L3HYPDH: variants seen among roughly 807,000 people sequenced by gnomAD.
The protein encoded by L3HYPDH is trans-3-hydroxy-L-proline dehydratase.
L3HYPDH carries 32 observed loss-of-function variants against 26.5 expected under a neutral mutation model. That is an observed-to-expected ratio of 1.21 (90% CI 0.91 to 1.62). The LOEUF is 1.62. Ranked by LOEUF, L3HYPDH falls within the 40% of genes most tolerant of loss-of-function variation. L3HYPDH has a pLI of 0.00. For missense variants in L3HYPDH, 554 were observed against 476.4 expected (o/e 1.16, Z -1.52); for synonymous variants, 215 against 196.6 (o/e 1.09, Z -0.78).
chr14:59,473,251 T>C (rs1889393101), intron 4 of L3HYPDH, among the ~76,000 whole-genome samples, 161 bp from the exon 5 acceptor site: 1 of 152,148 alleles, frequency 6.6e-6, no homozygotes, highest in Non-Finnish European at 1.5e-5. Flanking sequence ...CAGACTTGTG[T>C]TTTAGATAAC....
upstream of L3HYPDH, chr14:59,486,790 T>C: frequency 6.4e-7 from 1 of 1,572,320 alleles, no homozygotes; most frequent in Non-Finnish European, 8.7e-7. Context: ...AACTGAAATA[T>C]ATGGAGAATG....
chr14:59,472,742 C>A lies in L3HYPDH; in HGVS notation c.*223G>T. Reference sequence around the variant, plus strand: ...ATACGTTAATCACTAGAAAAAGACTCTGAATTTCTGGCATTTTGTATGCTA... The same window carrying A: ...ATACGTTAATCACTAGAAAAAGACTATGAATTTCTGGCATTTTGTATGCTA... On this transcript the variant is annotated 3_prime_UTR_variant, in exon 5 of 5. Coordinates refer to ENST00000247194, the MANE Select transcript of L3HYPDH (RefSeq NM_144581.2). 1 of 361,118 alleles carries A rather than the reference C, an allele frequency of 2.8e-6. No individual in the cohort carries two copies. The highest frequency in any genetic ancestry group is 4.9e-6 in the Non-Finnish European group (1 of 205,666). 22.4% of individuals were successfully genotyped at this position (361,118 alleles called of 1,614,324 possible). A position where few individuals can be genotyped will look rare whatever the true frequency, so the allele number is the denominator to read the frequency against.
At chr14:59,492,921 C>T in the L3HYPDH span, among the ~76,000 whole-genome samples, 2 of 151,872 alleles carry the variant, frequency 1.3e-5, no homozygotes, top group African/African-American at 4.8e-5. Flanking sequence ...CCTCAGCCTC[C>T]CGAGTAGCTG....
chr14:59,505,252 G>A, the L3HYPDH span: 371 of 1,491,426 alleles, frequency 2.5e-4, 1 homozygote, highest in African/African-American at 4.6e-3. Context: ...CTTTGTTAAT[G>A]TATTTTTCTC....
At chr14:59,478,561 G>C (rs1202211636) in intron 2 of L3HYPDH, among the ~76,000 whole-genome samples, 1 of 152,036 alleles carries the variant, frequency 6.6e-6, no homozygotes, top group East Asian at 1.9e-4. Context: ...CTACAGCCTG[G>C]GTGACAGAGC....
chr14:59,487,890 G>A, upstream of L3HYPDH: 1 of 1,433,774 alleles, frequency 7.0e-7, no homozygotes, highest in Non-Finnish European at 9.8e-7. Flanking sequence ...TCACTCAGAA[G>A]ACCTTATTAA....
chr14:59,485,397 T>C (rs139619392), upstream of L3HYPDH: 3,015 of 333,536 alleles, frequency 9.0e-3, 277 homozygotes, highest in Admixed American at 0.13. Flanking sequence ...AGTCCGAAAT[T>C]TGTTAAAAGC....
intron 4 of L3HYPDH, 104 bp from the exon 5 acceptor site, chr14:59,473,194 G>C (rs1230244568): frequency 1.5e-5 from 16 of 1,095,408 alleles, no homozygotes; most frequent in Admixed American, 2.8e-5. Context: ...AAAGGCCAAG[G>C]GTTAATCCTA....
At chr14:59,474,712 A>G (rs1301842378) in intron 4 of L3HYPDH, 2 of 535,332 alleles carry the variant, frequency 3.7e-6, no homozygotes, top group East Asian at 6.3e-5. Flanking sequence ...AACGATAATA[A>G]CAGCACAGTA....
At position 59,484,049 on chromosome 14, in the gene L3HYPDH, G is replaced by A. The variant is rs759955697; in HGVS notation, c.268C>T (p.Leu90=). Residue 90 remains leucine (L), a synonymous_variant, in exon 1 of 5, where the codon CTG becomes TTG. Coordinates refer to ENST00000247194, the MANE Select transcript of L3HYPDH (RefSeq NM_144581.2). ...LVPSELPDAH[L]GVLFLHNEGY... ...TCGTTGTGCAGGAACAGGACGCCCA[G>A]ATGCGCGTCCGGCAGCTCGCTCGGG... 2.5e-6 allele frequency: 4 copies of A among 1,606,624 alleles called. No individual in the cohort carries two copies. Among genetic ancestry groups the A allele is most frequent in the South Asian group, 1.1e-5 (1 of 90,944 alleles).
At chr14:59,479,072 G>C in intron 2 of L3HYPDH, 110 bp downstream of exon 2, 1 of 837,706 alleles carries the variant, frequency 1.2e-6, no homozygotes. Flanking sequence ...CCTATTCTTA[G>C]TACTATTAAT....
chr14:59,481,124 A>C (rs1055628307), intron 1 of L3HYPDH, among the ~76,000 whole-genome samples: 2 of 152,202 alleles, frequency 1.3e-5, no homozygotes, highest in African/African-American at 4.8e-5. Context: ...TAGGGTGGGC[A>C]GTTGGGTAGG....
At chr14:59,478,823 C>A in intron 2 of L3HYPDH, 1 of 176,390 alleles carries the variant, frequency 5.7e-6, no homozygotes, top group Non-Finnish European at 1.2e-5. Flanking sequence ...GCAGGAATGT[C>A]CAATCTTTTG....
At position 59,475,978 on chromosome 14, in the gene L3HYPDH, A is replaced by G. The variant is rs1441120412; in HGVS notation, c.830T>C (p.Val277Ala). ...QVDRSPTGSG[V>A]TARIALQYHK... The stretch of plus-strand genomic sequence containing the variant: ...ATACTGTAAGGCAATTCGGGCTGTC[A>G]CTCCTGAGCCAGTGGGACTTCTGTC... The change falls in exon 4 of 5, where the codon GTG becomes GCG. Residue 277 changes from valine to alanine, a missense_variant. Coordinates refer to ENST00000247194, the MANE Select transcript of L3HYPDH (RefSeq NM_144581.2). 6.2e-7 allele frequency: 1 copy of G among 1,613,768 alleles called. No homozygotes were observed. Among genetic ancestry groups the G allele is most frequent in the African/African-American group, 1.3e-5 (1 of 74,862 alleles).
chr14:59,485,120 A>AGT (rs1890430587), upstream of L3HYPDH: 2 of 1,598,352 alleles, frequency 1.3e-6, no homozygotes. Flanking sequence ...TTGCTTAGTA[A>AGT]GTGATAGGCT....
the L3HYPDH span, among the ~76,000 whole-genome samples, chr14:59,499,083 GC>G: frequency 7.7e-6 from 1 of 129,796 alleles, no homozygotes; most frequent in South Asian, 2.5e-4. Context: ...GAGTACAGTG[GC>G]ATGATCTCGG....
upstream of L3HYPDH, chr14:59,484,808 C>A (rs1372897388): frequency 1.1e-6 from 1 of 920,088 alleles, no homozygotes; most frequent in South Asian, 1.8e-5. Flanking sequence ...CTGTCTGCGG[C>A]GAAATGCCAG....
chr14:59,474,512 TTCTCA>T, intron 4 of L3HYPDH: 1 of 700,476 alleles, frequency 1.4e-6, no homozygotes. Context: ...TCCCAGATTC[TTCTCA>T]TAACAGCTCC....
At chr14:59,491,196 G>C in the L3HYPDH span, among the ~76,000 whole-genome samples, 1 of 152,184 alleles carries the variant, frequency 6.6e-6, no homozygotes, top group Non-Finnish European at 1.5e-5. Flanking sequence ...TTGGCAGATA[G>C]GTAAAATGTG....
Sources: allele counts gnomAD v4.1 joint callset (sites outside exome capture counted in the v4.1 genomes callset), GRCh38; gene constraint gnomAD v4.1.1; transcripts MANE v1.5; gene names NCBI Gene and HGNC (gene_info 2026-07-23, HGNC 2026-07-21).